The following EXD3 variants were observed in gnomAD, a reference collection of about 807,000 sequenced individuals.
EXD3 encodes exonuclease mut-7 homolog.
A neutral mutation model predicts 98.0 loss-of-function variants in EXD3; 92 were observed. That is an observed-to-expected ratio of 0.94 (90% CI 0.79 to 1.12). The LOEUF (loss-of-function observed/expected upper bound fraction) is 1.12, where lower values mean the gene tolerates loss of function less well. Ranked by LOEUF, EXD3 falls within the 50% of genes most tolerant of loss-of-function variation. The probability of loss-of-function intolerance (pLI) is 0.00; values close to 1 mark genes in which losing one functional copy is unlikely to be tolerated. For synonymous variants in EXD3, 569 were observed against 526.0 expected, an observed-to-expected ratio of 1.08 and a Z score of -1.12; for missense variants, 1,222 against 1,191.6, an observed-to-expected ratio of 1.03 and a Z score of -0.38.
At chr9:137,366,756 A>G in intron 6 of EXD3, 124 bp from the exon 7 acceptor site, 2 of 1,273,152 alleles carry the variant, frequency 1.6e-6, no homozygotes, top group Non-Finnish European at 2.1e-6. Flanking sequence ...GTCCAGGCCC[A>G]GCAGTGCTCG....
intron 8 of EXD3, among the ~76,000 whole-genome samples, chr9:137,356,045 A>T (rs1834766025): frequency 6.6e-6 from 1 of 152,190 alleles, no homozygotes; most frequent in Admixed American, 6.5e-5. Context: ...AGGTGGGCAG[A>T]GGAGCTCATA....
At position 137,318,546 on chromosome 9, in the gene EXD3, G is replaced by GT. The variant is rs988351703; in HGVS notation, c.2184+5178dup. Among the ~76,000 whole-genome samples, 5 of 151,676 alleles carry GT rather than the reference G, an allele frequency of 3.3e-5. No individual in the cohort carries two copies. The South Asian group carries it at 6.2e-4, about 19-fold the overall frequency. On this transcript the variant is annotated intron_variant, in intron 19 of 21. Coordinates refer to ENST00000340951, the MANE Select transcript of EXD3 (RefSeq NM_017820.5). Reference sequence around the variant, plus strand: ...GCCATGTCAGGGGTTCATGGTAAGGGTTTTTTTTTAAGCTTGAGCTTCTTT... The same window carrying GT: ...GCCATGTCAGGGGTTCATGGTAAGGGTTTTTTTTTTAAGCTTGAGCTTCTTT...
intron 17 of EXD3, among the ~76,000 whole-genome samples, chr9:137,333,025 C>T (rs149785499): frequency 2.0e-4 from 31 of 152,230 alleles, no homozygotes; most frequent in African/African-American, 7.2e-4. Context: ...GGCAGACCCA[C>T]CCTCAGTGGG....
chr9:137,345,640 C>G (rs970387567), intron 17 of EXD3: 107 of 133,082 alleles, frequency 8.0e-4, no homozygotes, highest in African/African-American at 2.8e-3. Context: ...CCAGCCTGGG[C>G]AACAGAGTGA....
At position 137,348,073 on chromosome 9, in the gene EXD3, C is replaced by T. The variant is rs202048990; in HGVS notation, c.1996G>A (p.Glu666Lys). The change falls in exon 17 of 22, where the codon GAG becomes AAG. Residue 666 changes from glutamate (E) to lysine (K), a missense_variant and splice_region_variant. By Grantham distance (56) the Glu-to-Lys change is moderately conservative. Coordinates refer to ENST00000340951, the MANE Select transcript of EXD3 (RefSeq NM_017820.5). ...GNGEDHRRAA[E>K]VARQEGRIIL... ...CAAGACCCTCCCCGCAAACTCACCT[C>T]GGCCGCCCTGCGGTGGTCTTCACCA... 3.2e-5 allele frequency: 52 copies of T among 1,609,806 alleles called. No individual in the cohort carries two copies. The highest frequency in any genetic ancestry group is 1.8e-4 in the Admixed American group (11 of 59,620).
intron 12 of EXD3, 26 bp from the exon 13 acceptor site, chr9:137,351,554 A>G: frequency 6.4e-7 from 1 of 1,558,878 alleles, no homozygotes; most frequent in Non-Finnish European, 8.7e-7. Context: ...GGCAGATGTG[A>G]TCATCAGGGC....
intron 3 of EXD3, chr9:137,374,438 C>T: frequency 4.1e-6 from 2 of 483,392 alleles, no homozygotes; most frequent in South Asian, 8.9e-5. Context: ...TGTTCTCGTC[C>T]CTGCGATGTG....
chr9:137,417,262 G>A (rs1025520581), intron 1 of EXD3, among the ~76,000 whole-genome samples: 8 of 152,210 alleles, frequency 5.3e-5, no homozygotes, highest in Non-Finnish European at 1.0e-4. Flanking sequence ...GACGGGGATG[G>A]CCAGTTTCCC....
At chr9:137,357,989 G>T (rs186521726) in intron 7 of EXD3, among the ~76,000 whole-genome samples, 29 of 152,156 alleles carry the variant, frequency 1.9e-4, no homozygotes, top group Admixed American at 5.9e-4. Context: ...GCTGGCAGCT[G>T]ATGAGACGGT....
Position 137,371,369 on chromosome 9 carries a change from G to A in EXD3, c.462+1536C>T, listed in dbSNP as rs982136314. ...GGCCCCGGGCGTGGCAGGTGACAGC[G>A]CCAGGGGTGGGGCCCGCGCGGCCCA... On this transcript the variant is annotated intron_variant, in intron 5 of 21. Transcript: ENST00000340951. The surrounding 1 kb of genome is among the most constrained non-coding windows in gnomAD (Gnocchi z 8.0). Among the ~76,000 whole-genome samples, 2 of 152,104 alleles carry A rather than the reference G, an allele frequency of 1.3e-5. No homozygotes were observed. Among genetic ancestry groups the A allele is most frequent in the East Asian group, 1.9e-4 (1 of 5,162 alleles).
At chr9:137,399,009 C>T (rs369467273) in intron 1 of EXD3, among the ~76,000 whole-genome samples, 10 of 152,282 alleles carry the variant, frequency 6.6e-5, no homozygotes, top group East Asian at 3.9e-4. Flanking sequence ...CCAACATCCT[C>T]GTAACACGTG....
At chr9:137,309,577 A>C in intron 20 of EXD3, 30 bp downstream of exon 20, 2 of 1,534,284 alleles carry the variant, frequency 1.3e-6, no homozygotes, top group Non-Finnish European at 1.8e-6. Flanking sequence ...CAGGCCCCCC[A>C]GACCCAGTGC....
chr9:137,365,857 GCACA>G (rs1270058721), intron 7 of EXD3: 1 of 353,514 alleles, frequency 2.8e-6, no homozygotes, highest in Non-Finnish European at 5.5e-6. Context: ...CGAACACAAT[GCACA>G]CACAGATATA....
Position 137,349,650 on chromosome 9 carries a change from G to C in EXD3, c.1495-119C>G. The stretch of plus-strand genomic sequence containing the variant: ...GGAGGCCCCGCCCCCTCCACCAGCG[G>C]CCCCCACAGCAGAGACGGGGAGAAG... On this transcript the variant is annotated intron_variant, in intron 14 of 21. Coordinates refer to ENST00000340951, the MANE Select transcript of EXD3 (RefSeq NM_017820.5). The surrounding 1 kb of genome is among the most constrained non-coding windows in gnomAD (Gnocchi z 7.4). 5 of 1,080,016 alleles carry C rather than the reference G, an allele frequency of 4.6e-6. No homozygotes were observed. Among genetic ancestry groups the C allele is most frequent in the Non-Finnish European group, 6.3e-6 (5 of 791,992 alleles). 66.9% of individuals were successfully genotyped at this position (1,080,016 alleles called of 1,614,324 possible).
chr9:137,416,301 G>A (rs1011656365), intron 1 of EXD3, among the ~76,000 whole-genome samples: 4 of 152,230 alleles, frequency 2.6e-5, no homozygotes, highest in Non-Finnish European at 5.9e-5. Flanking sequence ...CAGAGTGAGG[G>A]ACCCACAGGG....
chr9:137,362,836 GT>G (rs1835054920), intron 7 of EXD3, among the ~76,000 whole-genome samples: 2 of 152,020 alleles, frequency 1.3e-5, no homozygotes, highest in Admixed American at 1.3e-4. Flanking sequence ...TTGAGATGGA[GT>G]TTCACTCTTG....
Position 137,407,066 on chromosome 9 carries a change from AC to A in EXD3, c.-47-11663del, listed in dbSNP as rs1837749879. ...CGCTCGCCAGCAAACCCGCCCGTTC[AC>A]AGAGGCACCGGAGCGGGCGGGCGGG... On this transcript the variant is annotated intron_variant, in intron 1 of 21. Transcript: ENST00000340951. This position sits in a 1 kb window ranked among gnomAD's most constrained non-coding sequence, Gnocchi z 4.4. Among the ~76,000 whole-genome samples, 1 of 152,164 alleles carries A rather than the reference AC, an allele frequency of 6.6e-6. No individual in the cohort carries two copies. Among genetic ancestry groups the A allele is most frequent in the Non-Finnish European group, 1.5e-5 (1 of 68,012 alleles).
chr9:137,352,237 C>G, intron 11 of EXD3, 36 bp from the exon 12 acceptor site: 6 of 1,611,176 alleles, frequency 3.7e-6, no homozygotes, highest in Non-Finnish European at 5.1e-6. Flanking sequence ...CCCCATGTCC[C>G]TGGTCCCCCA....
chr9:137,388,858 G>A lies in EXD3; in HGVS notation c.56-5481C>T, dbSNP rs537410215. On this transcript the variant is annotated intron_variant, in intron 2 of 21. Coordinates refer to ENST00000340951, the MANE Select transcript of EXD3 (RefSeq NM_017820.5). ...CCCGGCCGCCCAGACCAGACCCCAC[G>A]CGCTGTGGTGACCTGCATGTCCACG... 7.0e-4 allele frequency among the ~76,000 whole-genome samples: 106 copies of A among 152,250 alleles called. 1 individual carries two copies. The South Asian group carries it at 0.021, about 31-fold the overall frequency.
Sources: gnomAD v4.1 joint callset for allele counts (sites outside exome capture counted in the v4.1 genomes callset) on GRCh38, gnomAD v4.1.1 for gene constraint, Gnocchi (gnomAD v3.1) non-coding constraint, MANE v1.5 for transcripts, NCBI Gene and HGNC (gene_info 2026-07-23, HGNC 2026-07-21) for gene names.